ZMAT4: variants seen among roughly 807,000 people sequenced by gnomAD.
ZMAT4 encodes the protein zinc finger matrin-type 4.
Under a neutral mutation model 28.7 loss-of-function variants are expected in ZMAT4, and 17 were observed. The observed-to-expected ratio is 0.59, with a 90% CI of 0.41 to 0.89. The LOEUF is 0.89. ZMAT4 is among the 40% of genes least tolerant of loss of function. The pLI is 0.00. For synonymous variants in ZMAT4, 117 were observed against 109.2 expected (o/e 1.07, Z -0.44); for missense variants, 240 against 283.8 (o/e 0.85, Z 1.11).
rs1201414123 is a variant in ZMAT4 at position 40,801,349 on chromosome 8, AAAAT to A, written c.102+24222_102+24225del. ...TCAGATGATACTTTCTTTAAAAAAA[AAAAT>A]ATATATATATATATATATACATATA... On this transcript the variant is annotated intron_variant, in intron 2 of 6. Coordinates refer to ENST00000297737, the MANE Select transcript of ZMAT4 (RefSeq NM_024645.3). 8.2e-5 allele frequency among the ~76,000 whole-genome samples: 4 copies of A among 48,770 alleles called. No individual in the cohort carries two copies. The East Asian group carries it at 3.2e-3, about 39-fold the overall frequency. 32.0% of individuals were successfully genotyped at this position (48,770 alleles called of 152,430 possible).
chr8:40,710,960 A>AT (rs1810590234), intron 3 of ZMAT4, among the ~76,000 whole-genome samples: 1 of 151,588 alleles, frequency 6.6e-6, no homozygotes, highest in Non-Finnish European at 1.5e-5. Context: ...TTTTTTTTGT[A>AT]TTTTTAGTAG....
At chr8:40,636,009 C>A (rs369527180) in intron 5 of ZMAT4, among the ~76,000 whole-genome samples, 2 of 152,150 alleles carry the variant, frequency 1.3e-5, no homozygotes, top group Non-Finnish European at 2.9e-5. Flanking sequence ...AGGTTAGAGA[C>A]GTTTGAGTAA....
intron 2 of ZMAT4, among the ~76,000 whole-genome samples, chr8:40,820,248 A>G (rs13254432): frequency 6.6e-6 from 1 of 150,902 alleles, no homozygotes; most frequent in African/African-American, 2.4e-5. Flanking sequence ...GTGTGCGCAT[A>G]TATGTGAGTA....
intron 6 of ZMAT4, among the ~76,000 whole-genome samples, chr8:40,569,228 A>G (rs1243427984): frequency 6.6e-6 from 1 of 152,198 alleles, no homozygotes; most frequent in Non-Finnish European, 1.5e-5. Flanking sequence ...GGACATGTCC[A>G]TTCCCAACTT....
intron 6 of ZMAT4, among the ~76,000 whole-genome samples, chr8:40,558,188 T>C (rs899770220): frequency 2.0e-5 from 3 of 152,106 alleles, no homozygotes; most frequent in Non-Finnish European, 4.4e-5. Context: ...GGTAGGTTGA[T>C]ATTGGATTAC....
chr8:40,761,072 G>C (rs893750581), intron 3 of ZMAT4, among the ~76,000 whole-genome samples: 10 of 151,630 alleles, frequency 6.6e-5, no homozygotes, highest in Admixed American at 3.9e-4. Context: ...AGTGGGGCAG[G>C]GGGGGATAAT....
In ZMAT4 at chr8:40,709,427, C is replaced by T. The variant is rs116308759; in HGVS notation, c.193-12026G>A. ...AAATTTTTCAGTAAAATTACTAAAC[C>T]GTATAGAAAGATATTTTTAAATTAC... On this transcript the variant is annotated intron_variant, in intron 3 of 6. Coordinates refer to ENST00000297737, the MANE Select transcript of ZMAT4 (RefSeq NM_024645.3). Among the ~76,000 whole-genome samples the T allele has an allele frequency of 3.4e-3, 517 of 151,894 alleles. 3 individuals carry two copies. Among genetic ancestry groups the T allele is most frequent in the African/African-American group, 0.012 (488 of 41,400 alleles).
chr8:40,607,782 C>A lies in ZMAT4; in HGVS notation c.578-26521G>T, dbSNP rs146201025. ...ATGTGACTTTCTGAGAGCCAAACTG[C>A]AGTGATTGTTATTTCTCTCCTAGAT... On this transcript the variant is annotated intron_variant, in intron 5 of 6. Transcript: ENST00000297737. Among the ~76,000 whole-genome samples the A allele has an allele frequency of 1.4e-4, 21 of 152,190 alleles. No homozygotes were observed. In the East Asian group the frequency reaches 3.5e-3, roughly 25 times the overall value.
At chr8:40,697,610 G>A (rs1361946554) in intron 3 of ZMAT4, among the ~76,000 whole-genome samples, 1 of 151,998 alleles carries the variant, frequency 6.6e-6, no homozygotes, top group Non-Finnish European at 1.5e-5. Context: ...TGCAGAAAGT[G>A]CAGGTTTGTT....
intron 2 of ZMAT4, among the ~76,000 whole-genome samples, chr8:40,811,883 C>A (rs1435876773): frequency 6.6e-6 from 1 of 152,242 alleles, no homozygotes; most frequent in African/African-American, 2.4e-5. Flanking sequence ...GTAATCCCAG[C>A]ACTTCGGGAG....
At chr8:40,644,584 A>G (rs1807212565) in intron 5 of ZMAT4, among the ~76,000 whole-genome samples, 1 of 152,230 alleles carries the variant, frequency 6.6e-6, no homozygotes, top group South Asian at 2.1e-4. Flanking sequence ...GACTGAATAA[A>G]CAAAGAGGAT....
chr8:40,866,306 GC>G (rs1347457849), intron 1 of ZMAT4, among the ~76,000 whole-genome samples: 7 of 152,218 alleles, frequency 4.6e-5, no homozygotes, highest in Admixed American at 1.3e-4. Flanking sequence ...CAATGCTGGT[GC>G]CCCAGGGCTG....
intron 5 of ZMAT4, among the ~76,000 whole-genome samples, chr8:40,611,630 G>A (rs956561071): frequency 3.3e-5 from 5 of 152,110 alleles, no homozygotes; most frequent in South Asian, 2.1e-4. Context: ...GTGAGCCATC[G>A]CACCCAGCCA....
intron 6 of ZMAT4, among the ~76,000 whole-genome samples, chr8:40,556,248 T>C (rs1311727438): frequency 6.6e-6 from 1 of 152,184 alleles, no homozygotes; most frequent in Non-Finnish European, 1.5e-5. Context: ...CCTTAACTTA[T>C]TGTGTGCTTC....
chr8:40,754,118 G>A (rs1048892091), intron 3 of ZMAT4, among the ~76,000 whole-genome samples: 1 of 151,486 alleles, frequency 6.6e-6, no homozygotes, highest in African/African-American at 2.4e-5. Context: ...GCTGCAGTGC[G>A]CCGAGATCAC....
intron 3 of ZMAT4, among the ~76,000 whole-genome samples, chr8:40,760,455 C>T (rs1812877297): frequency 6.6e-6 from 1 of 152,220 alleles, no homozygotes; most frequent in Non-Finnish European, 1.5e-5. Context: ...ATACCCCAGG[C>T]TCTAGCCCTG....
chr8:40,838,677 A>T (rs1024605719), intron 1 of ZMAT4, among the ~76,000 whole-genome samples: 4 of 152,130 alleles, frequency 2.6e-5, no homozygotes, highest in Non-Finnish European at 5.9e-5. Flanking sequence ...ACTCTCAGTC[A>T]ATGCCACCAG....
At chr8:40,819,602 T>C (rs1046848959) in intron 2 of ZMAT4, among the ~76,000 whole-genome samples, 1 of 152,102 alleles carries the variant, frequency 6.6e-6, no homozygotes, top group Non-Finnish European at 1.5e-5. Context: ...CCACCTGCCC[T>C]CAGGAAGCTT....
chr8:40,647,339 C>T (rs189611264), intron 5 of ZMAT4, among the ~76,000 whole-genome samples: 1 of 151,516 alleles, frequency 6.6e-6, no homozygotes, highest in East Asian at 1.9e-4. Flanking sequence ...AATCGGGTCA[C>T]TCCCACCCGA....
Sources: gnomAD v4.1 joint callset for allele counts (sites outside exome capture counted in the v4.1 genomes callset) on GRCh38, gnomAD v4.1.1 for gene constraint, MANE v1.5 for transcripts, NCBI Gene and HGNC (gene_info 2026-07-23, HGNC 2026-07-21) for gene names.